The following WFDC8 variants were observed in gnomAD, a reference collection of about 807,000 sequenced individuals.
WFDC8 encodes the protein WAP four-disulfide core domain protein 8.
A neutral mutation model predicts 27.0 loss-of-function variants in WFDC8; 24 were observed. The observed-to-expected ratio is 0.89, with a 90% CI of 0.64 to 1.25. The LOEUF (loss-of-function observed/expected upper bound fraction) is 1.25, where lower values mean the gene tolerates loss of function less well. WFDC8 is among the 50% of genes most tolerant of loss of function. WFDC8 has a pLI of 0.00. For missense variants in WFDC8, 287 were observed against 295.9 expected (o/e 0.97, Z 0.22); for synonymous variants, 106 against 99.7 (o/e 1.06, Z -0.38).
chr20:45,566,203 C>A (rs1207935415), intron 1 of WFDC8, among the ~76,000 whole-genome samples: 1 of 127,670 alleles, frequency 7.8e-6, no homozygotes. Flanking sequence ...TAGTATTCTA[C>A]CAGCTAAAAA....
rs1441302038 is a variant in WFDC8 at position 45,553,289 on chromosome 20, C to A, written c.446-13G>T. On this transcript the variant is annotated splice_polypyrimidine_tract_variant and intron_variant, in intron 4 of 5. Coordinates refer to ENST00000289953, the MANE Select transcript of WFDC8 (RefSeq NM_130896.3). ...TGTCCATCCTTAACTAAAATAAGAG[C>A]AGATGTGAGCTTCTTAAAACCCCAC... is the stretch of plus-strand genomic sequence containing the variant. 6.2e-7 allele frequency: 1 copy of A among 1,607,978 alleles called. No homozygotes were observed. Among genetic ancestry groups the A allele is most frequent in the Non-Finnish European group, 8.5e-7 (1 of 1,176,788 alleles).
At chr20:45,573,423 ATATGTAGT>A in intron 1 of WFDC8, among the ~76,000 whole-genome samples, 1 of 152,194 alleles carries the variant, frequency 6.6e-6, no homozygotes, top group East Asian at 1.9e-4. Context: ...ATTGTACCCA[ATATGTAGT>A]TTGTTTTATC....
intron 1 of WFDC8, among the ~76,000 whole-genome samples, chr20:45,565,261 T>C (rs981976801): frequency 6.6e-6 from 1 of 152,174 alleles, no homozygotes; most frequent in East Asian, 1.9e-4. Flanking sequence ...GTCTACCCAT[T>C]TGAAATTTTA....
At chr20:45,552,283 C>T in intron 5 of WFDC8, 118 bp from the exon 6 acceptor site, 1 of 1,225,166 alleles carries the variant, frequency 8.2e-7, no homozygotes, top group South Asian at 1.5e-5. Flanking sequence ...TCTTACCTTT[C>T]CCCCTACAGT....
At chr20:45,557,216 G>T (rs188693580) in intron 3 of WFDC8, among the ~76,000 whole-genome samples, 1 of 152,110 alleles carries the variant, frequency 6.6e-6, no homozygotes, top group Non-Finnish European at 1.5e-5. Flanking sequence ...CTTGCCAACC[G>T]ACTACCACTT....
At chr20:45,564,676 A>C (rs1310173929) in intron 1 of WFDC8, among the ~76,000 whole-genome samples, 1 of 57,306 alleles carries the variant, frequency 1.7e-5, no homozygotes, top group Admixed American at 1.7e-4. Context: ...CTCTGTCTCA[A>C]AAAAAAAAAA....
intron 1 of WFDC8, among the ~76,000 whole-genome samples, chr20:45,571,043 G>C (rs1223390633): frequency 1.3e-5 from 2 of 152,032 alleles, no homozygotes; most frequent in Non-Finnish European, 2.9e-5. Flanking sequence ...GCCTGCTTGG[G>C]TAGGAGTTTC....
At chr20:45,570,946 C>T (rs1428470432) in intron 1 of WFDC8, among the ~76,000 whole-genome samples, 1 of 152,100 alleles carries the variant, frequency 6.6e-6, no homozygotes, top group African/African-American at 2.4e-5. Flanking sequence ...GAATCTAAGC[C>T]ACTTCAAATG....
At chr20:45,551,617 C>CAAAAAAAAAAAAAA (rs11479142), downstream of WFDC8, 1 of 124,530 alleles carries the variant, frequency 8.0e-6, no homozygotes, top group Non-Finnish European at 1.7e-5. Context: ...CTCCGTCTCA[C>CAAAAAAAAAAAAAA]AAAAAAAAAA....
intron 1 of WFDC8, among the ~76,000 whole-genome samples, chr20:45,564,447 G>A (rs538313031): frequency 8.2e-4 from 125 of 152,150 alleles, no homozygotes; most frequent in Non-Finnish European, 1.5e-3. Context: ...CCAGGTGGGC[G>A]GATTATGAGG....
intron 1 of WFDC8, among the ~76,000 whole-genome samples, chr20:45,578,889 A>G (rs1981136386): frequency 6.6e-6 from 1 of 152,138 alleles, no homozygotes; most frequent in African/African-American, 2.4e-5. Flanking sequence ...TCCAACAGCC[A>G]TATCAGGTTG....
chr20:45,562,274 A>G (rs1872640336), intron 1 of WFDC8, 55 bp from the exon 2 acceptor site: 1 of 1,461,724 alleles, frequency 6.8e-7, no homozygotes, highest in Non-Finnish European at 9.6e-7. Context: ...AGAGACACAA[A>G]GTGTGTGCAG....
chr20:45,571,131 TTTTAAG>T (rs1179187241), intron 1 of WFDC8, among the ~76,000 whole-genome samples: 14 of 152,332 alleles, frequency 9.2e-5, no homozygotes, highest in Admixed American at 7.2e-4. Flanking sequence ...AAATCGTTAA[TTTTAAG>T]TTTAATATTA....
chr20:45,563,077 C>T (rs1029002187), intron 1 of WFDC8, among the ~76,000 whole-genome samples: 2 of 152,148 alleles, frequency 1.3e-5, no homozygotes, highest in Non-Finnish European at 2.9e-5. Context: ...TTCCTGAAGC[C>T]ATACCATGTG....
chr20:45,565,055 GA>G (rs1980624505), intron 1 of WFDC8, among the ~76,000 whole-genome samples: 2 of 112,516 alleles, frequency 1.8e-5, no homozygotes, highest in South Asian at 2.7e-4. Context: ...AAGGAAGGAA[GA>G]AGAGAGAGGG....
At chr20:45,559,669 G>T (rs1298857257) in intron 2 of WFDC8, 1 of 152,124 alleles carries the variant, frequency 6.6e-6, no homozygotes, top group Non-Finnish European at 1.5e-5. Flanking sequence ...TAATGCCTGG[G>T]GTAAGACCTT....
intron 1 of WFDC8, among the ~76,000 whole-genome samples, chr20:45,576,367 C>T (rs1981046314): frequency 6.6e-6 from 1 of 150,680 alleles, no homozygotes; most frequent in South Asian, 2.1e-4. Flanking sequence ...GCAAGCCATC[C>T]TTTATCCTTA....
At chr20:45,553,655 A>C (rs896918104) in intron 4 of WFDC8, among the ~76,000 whole-genome samples, 29 of 152,138 alleles carry the variant, frequency 1.9e-4, no homozygotes, top group African/African-American at 6.3e-4. Flanking sequence ...ATATGGCCTG[A>C]CTCATGTTTT....
At chr20:45,556,373 G>A (rs1234098507) in intron 3 of WFDC8, among the ~76,000 whole-genome samples, 2 of 152,096 alleles carry the variant, frequency 1.3e-5, no homozygotes, top group Admixed American at 6.5e-5. Flanking sequence ...AATTATGTCA[G>A]ACAAAAAGCA....
Sources: allele counts gnomAD v4.1 joint callset (sites outside exome capture counted in the v4.1 genomes callset), GRCh38; gene constraint gnomAD v4.1.1; transcripts MANE v1.5; gene names NCBI Gene and HGNC (gene_info 2026-07-23, HGNC 2026-07-21).